ORMDL2: variants seen among roughly 807,000 people sequenced by gnomAD.
The protein encoded by ORMDL2 is ORMDL sphingolipid biosynthesis regulator 2.
A neutral mutation model predicts 13.5 loss-of-function variants in ORMDL2; 11 were observed. The observed-to-expected ratio is 0.82, with a 90% CI of 0.51 to 1.35. The LOEUF is 1.35. Ranked by LOEUF, ORMDL2 falls within the 40% of genes most tolerant of loss-of-function variation. ORMDL2 has a pLI of 0.00. For synonymous variants in ORMDL2, 73 were observed against 76.5 expected (o/e 0.95, Z 0.24); for missense variants, 160 against 191.1 (o/e 0.84, Z 0.96).
chr12:55,819,376 C>T lies in ORMDL2; in HGVS notation c.209C>T (p.Thr70Ile), dbSNP rs1329457344. Residue 70 changes from threonine (T) to isoleucine (I), a missense_variant, in exon 3 of 4, where the codon ACA (threonine) becomes ATA (isoleucine). By Grantham distance (89) the Thr-to-Ile change is moderately conservative. Coordinates refer to ENST00000243045, the MANE Select transcript of ORMDL2 (RefSeq NM_014182.5). ...TYVFLHTVKG[T>I]PFETPDQGKA... ...GTCTTCCTTCATACGGTGAAAGGGACACCCTTTGAGACTCCTGACCAAGGA... is the reference window on the plus strand; with the variant it reads ...GTCTTCCTTCATACGGTGAAAGGGATACCCTTTGAGACTCCTGACCAAGGA... 6.2e-7 allele frequency: 1 copy of T among 1,613,992 alleles called. No individual in the cohort carries two copies. The highest frequency in any genetic ancestry group is 8.5e-7 in the Non-Finnish European group (1 of 1,180,000).
At position 55,821,868 on chromosome 12, in the gene ORMDL2, G is replaced by A; in HGVS notation, c.*1473G>A. ...AAGACTCCATCTCAAAAAATAAAAA[G>A]AAAAAGATTCAGTTCCTAGGTGTTG... is the stretch of plus-strand genomic sequence containing the variant. On this transcript the variant is annotated 3_prime_UTR_variant, in exon 4 of 4. Coordinates refer to ENST00000243045, the MANE Select transcript of ORMDL2 (RefSeq NM_014182.5). The A allele has an allele frequency of 8.1e-7, 1 of 1,240,968 alleles. No homozygotes were observed. Among genetic ancestry groups the A allele is most frequent in the Non-Finnish European group, 1.1e-6 (1 of 904,006 alleles). The allele number at this position is 1,240,968 out of a possible 1,614,324, so 76.9% of individuals were successfully genotyped here.
intron 1 of ORMDL2, 109 bp from the exon 2 acceptor site, chr12:55,818,890 C>T: frequency 1.1e-6 from 1 of 906,294 alleles, no homozygotes. Flanking sequence ...TCTTCATTCC[C>T]AATAGAGTTC....
chr12:55,821,832 G>A lies in ORMDL2; in HGVS notation c.*1437G>A. 2.3e-6 allele frequency: 2 copies of A among 879,122 alleles called. No individual in the cohort carries two copies. The highest frequency in any genetic ancestry group is 2.9e-5 in the Admixed American group (1 of 34,102). The allele number at this position is 879,122 out of a possible 1,614,324, so 54.5% of individuals were successfully genotyped here. ...AGATCACACCACTGCACTCCAGCTGGGCAACAGAGCAAGACTCCATCTCAA... is the reference window on the plus strand; with the variant it reads ...AGATCACACCACTGCACTCCAGCTGAGCAACAGAGCAAGACTCCATCTCAA... On this transcript the variant is annotated 3_prime_UTR_variant, in exon 4 of 4. Transcript: ENST00000243045.
intron 3 of ORMDL2, 94 bp from the exon 4 acceptor site, chr12:55,820,166 C>T (rs1283079902): frequency 8.1e-7 from 1 of 1,236,742 alleles, no homozygotes; most frequent in Non-Finnish European, 1.1e-6. Flanking sequence ...TGCACTCCAA[C>T]CTGGGAAACA....
At chr12:55,818,342 G>C (rs1466724990) in intron 1 of ORMDL2, 3 of 301,336 alleles carry the variant, frequency 1.0e-5, no homozygotes, top group Non-Finnish European at 2.0e-5. Flanking sequence ...CAGCTTTAGA[G>C]CTACCACAAT....
chr12:55,819,976 A>G (rs35055573), intron 3 of ORMDL2, among the ~76,000 whole-genome samples: 345 of 152,342 alleles, frequency 2.3e-3, no homozygotes, highest in Non-Finnish European at 3.9e-3. Flanking sequence ...TATAGCTGGA[A>G]TAGTTTTAGA....
In ORMDL2 at chr12:55,819,186, C is replaced by G. The variant is rs186957734; in HGVS notation, c.174+13C>G. The G allele has an allele frequency of 6.2e-7, 1 of 1,611,734 alleles. No individual in the cohort carries two copies. The highest frequency in any genetic ancestry group is 1.3e-5 in the African/African-American group (1 of 74,872). On this transcript the variant is annotated intron_variant, in intron 2 of 3. Transcript: ENST00000243045. ...CATCCATAACCTGGTGAGCACTAAA[C>G]CACGCCCTTGTACCCACCCCAGGGT...
rs1337447039 is a variant in ORMDL2, at chr12:55,821,133, G to A, written c.*738G>A. 2 of 152,620 alleles carry A rather than the reference G, an allele frequency of 1.3e-5. No homozygotes were observed. The highest frequency in any genetic ancestry group is 2.9e-5 in the Non-Finnish European group (2 of 68,038). 9.5% of individuals were successfully genotyped at this position (152,620 alleles called of 1,614,324 possible). On this transcript the variant is annotated 3_prime_UTR_variant, in exon 4 of 4. Coordinates refer to ENST00000243045, the MANE Select transcript of ORMDL2 (RefSeq NM_014182.5). ...CCGTATTCTTCCCCCTCACCCAAGG[G>A]CAGTGGGCATGAATCTACTTTTTAA...
At chr12:55,819,564 G>A (rs1565687528) in intron 3 of ORMDL2, 71 bp downstream of exon 3, 6 of 1,417,372 alleles carry the variant, frequency 4.2e-6, no homozygotes, top group African/African-American at 1.4e-5. Flanking sequence ...AAGGCCCATA[G>A]GGAAGCTGTT....
At chr12:55,819,607 A>G in intron 3 of ORMDL2, 114 bp downstream of exon 3, 1 of 903,664 alleles carries the variant, frequency 1.1e-6, no homozygotes, top group South Asian at 1.6e-5. Flanking sequence ...AACCCTTTGA[A>G]GATATTATGG....
At position 55,819,186 on chromosome 12, in the gene ORMDL2, C is replaced by T. The variant is rs186957734; in HGVS notation, c.174+13C>T. ...CATCCATAACCTGGTGAGCACTAAA[C>T]CACGCCCTTGTACCCACCCCAGGGT... On this transcript the variant is annotated intron_variant, in intron 2 of 3. Coordinates refer to ENST00000243045, the MANE Select transcript of ORMDL2 (RefSeq NM_014182.5). 1,034 of 1,611,852 alleles carry T rather than the reference C, an allele frequency of 6.4e-4. 2 individuals are homozygous for T. Among genetic ancestry groups the T allele is most frequent in the Non-Finnish European group, 8.0e-4 (945 of 1,178,030 alleles).
chr12:55,820,804 C>G lies in ORMDL2; in HGVS notation c.*409C>G, dbSNP rs1338824923. 5.6e-6 allele frequency: 1 copy of G among 178,030 alleles called. No homozygotes were observed. The highest frequency in any genetic ancestry group is 5.5e-5 in the Admixed American group (1 of 18,312). The allele number at this position is 178,030 out of a possible 1,614,324, so 11.0% of individuals were successfully genotyped here. ...TGGGTAGAGAGCTGTCCTCATAAGG[C>G]TGGGGGTGGGAAGATGGAATACTGA... On this transcript the variant is annotated 3_prime_UTR_variant, in exon 4 of 4. Transcript: ENST00000243045.
chr12:55,820,450 C>T lies in ORMDL2; in HGVS notation c.*55C>T. ...ATGGGGAAGGCACTGAAACAGAGGA[C>T]TATAAAACATCCTTCTCTTATTCTC... is the stretch of plus-strand genomic sequence containing the variant. On this transcript the variant is annotated 3_prime_UTR_variant, in exon 4 of 4. Coordinates refer to ENST00000243045, the MANE Select transcript of ORMDL2 (RefSeq NM_014182.5). The T allele has an allele frequency of 6.4e-7, 1 of 1,573,342 alleles. No individual in the cohort carries two copies. The highest frequency in any genetic ancestry group is 8.7e-7 in the Non-Finnish European group (1 of 1,142,908).
chr12:55,819,593 C>A, intron 3 of ORMDL2, 100 bp downstream of exon 3: 1 of 1,039,458 alleles, frequency 9.6e-7, no homozygotes, highest in Non-Finnish European at 1.4e-6. Context: ...GACTTCTCAT[C>A]TAAAACCCTT....
rs1880650148 is a variant in ORMDL2 at position 55,820,988 on chromosome 12, C to A, written c.*593C>A. The stretch of plus-strand genomic sequence containing the variant: ...CAACAAAGAGGGAAGATACAGGTTG[C>A]CAGTTATACATTTATAGAAAGATAA... On this transcript the variant is annotated 3_prime_UTR_variant, in exon 4 of 4. Coordinates refer to ENST00000243045, the MANE Select transcript of ORMDL2 (RefSeq NM_014182.5). 6.5e-6 allele frequency: 1 copy of A among 153,092 alleles called. No homozygotes were observed. Among genetic ancestry groups the A allele is most frequent in the Non-Finnish European group, 1.5e-5 (1 of 68,462 alleles). The allele number at this position is 153,092 out of a possible 1,614,324, so 9.5% of individuals were successfully genotyped here.
At position 55,819,074 on chromosome 12, in the gene ORMDL2, C is replaced by G; in HGVS notation, c.75C>G (p.Ala25=). 1.9e-6 allele frequency: 3 copies of G among 1,614,124 alleles called. No homozygotes were observed. Among genetic ancestry groups the G allele is most frequent in the Admixed American group, 1.7e-5 (1 of 60,020 alleles). Residue 25 remains alanine (A), a synonymous_variant, in exon 2 of 4, where the codon GCC becomes GCG. Transcript: ENST00000243045. The part of the protein sequence containing the change: ...RVMNSRGIWL[A]YIILVGLLHM... ...TGAATAGCCGAGGCATCTGGCTGGC[C>G]TACATCATCTTGGTAGGATTGCTGC...
At chr12:55,818,223 T>G in intron 1 of ORMDL2, 111 bp downstream of exon 1, 1 of 285,168 alleles carries the variant, frequency 3.5e-6, no homozygotes, top group South Asian at 2.3e-5. Flanking sequence ...AAGGGAGCCC[T>G]GAAAAAACCG....
At chr12:55,819,608 G>C (rs1314099461) in intron 3 of ORMDL2, 115 bp downstream of exon 3, 2 of 886,678 alleles carry the variant, frequency 2.3e-6, no homozygotes, top group African/African-American at 3.3e-5. Flanking sequence ...ACCCTTTGAA[G>C]ATATTATGGT....
Position 55,820,242 on chromosome 12 carries a change from AT to A in ORMDL2, c.327-11del. Reference sequence around the variant, plus strand: ...AGAGAAGGTCAACCTCACTCACCCTATTTTTTTCTCTCCCCAGCTATCTCCT... The same window carrying A: ...AGAGAAGGTCAACCTCACTCACCCTATTTTTTCTCTCCCCAGCTATCTCCT... On this transcript the variant is annotated splice_polypyrimidine_tract_variant and intron_variant, in intron 3 of 3. Transcript: ENST00000243045. 6.2e-7 allele frequency: 1 copy of A among 1,602,436 alleles called. No individual in the cohort carries two copies. The highest frequency in any genetic ancestry group is 8.5e-7 in the Non-Finnish European group (1 of 1,171,506).
Sources: allele counts gnomAD v4.1 joint callset (sites outside exome capture counted in the v4.1 genomes callset), GRCh38; gene constraint gnomAD v4.1.1; transcripts MANE v1.5; gene names NCBI Gene and HGNC (gene_info 2026-07-23, HGNC 2026-07-21).